VPS13A: variants seen among roughly 807,000 people sequenced by gnomAD.
VPS13A encodes intermembrane lipid transfer protein VPS13A.
A neutral mutation model predicts 390.9 loss-of-function variants in VPS13A; 264 were observed. The ratio of observed to expected loss-of-function variants is 0.68; its 90% CI spans 0.61 to 0.75. The LOEUF is 0.75. Ranked by LOEUF, VPS13A falls within the 30% of genes least tolerant of loss-of-function variation. VPS13A has a pLI of 0.00. For synonymous variants in VPS13A, 1,231 were observed against 1,227.1 expected (o/e 1.00, Z -0.07); for missense variants, 3,409 against 3,733.9 (o/e 0.91, Z 2.27).
intron 24 of VPS13A, among the ~76,000 whole-genome samples, chr9:77,273,805 C>A (rs559597966): frequency 2.0e-5 from 3 of 152,254 alleles, no homozygotes; most frequent in African/African-American, 7.2e-5. Context: ...TAAGAGTCAT[C>A]TTCCCTGGTA....
intron 68 of VPS13A, among the ~76,000 whole-genome samples, chr9:77,387,894 G>C (rs1833754960): frequency 1.3e-5 from 2 of 152,078 alleles, no homozygotes; most frequent in African/African-American, 4.8e-5. Context: ...TGTTGTTTCT[G>C]TGTCTCAAGA....
At chr9:77,338,601 T>G (rs1228041620) in intron 47 of VPS13A, 1 of 152,224 alleles carries the variant, frequency 6.6e-6, no homozygotes, top group African/African-American at 2.4e-5. Flanking sequence ...GGTTGCCATT[T>G]ATTTATCACT....
chr9:77,341,812 G>A (rs922426777), intron 50 of VPS13A, among the ~76,000 whole-genome samples: 2 of 142,952 alleles, frequency 1.4e-5, no homozygotes, highest in African/African-American at 5.2e-5. Flanking sequence ...CTTTTTTCAA[G>A]TATATTCATT....
At chr9:77,344,097 A>T (rs1350193450) in intron 50 of VPS13A, 56 bp from the exon 51 acceptor site, 6 of 1,413,204 alleles carry the variant, frequency 4.2e-6, no homozygotes, top group Non-Finnish European at 5.9e-6. Flanking sequence ...AAGATGATTT[A>T]TATATTTATG....
intron 1 of VPS13A, among the ~76,000 whole-genome samples, chr9:77,197,787 A>G (rs551259671): frequency 5.4e-4 from 82 of 152,320 alleles, no homozygotes; most frequent in African/African-American, 1.8e-3. Context: ...TTTCTGCATG[A>G]AACAAAGCTT....
intron 17 of VPS13A, among the ~76,000 whole-genome samples, chr9:77,234,971 T>C (rs1824058772): frequency 6.6e-6 from 1 of 152,230 alleles, no homozygotes; most frequent in South Asian, 2.1e-4. Flanking sequence ...CTTTACGTTA[T>C]CATTTTCACA....
chr9:77,224,533 A>G (rs1231113137), intron 13 of VPS13A, among the ~76,000 whole-genome samples: 1 of 152,196 alleles, frequency 6.6e-6, no homozygotes, highest in African/African-American at 2.4e-5. Context: ...CAGTGGAGAA[A>G]GTCACTGCAG....
intron 69 of VPS13A, among the ~76,000 whole-genome samples, chr9:77,405,130 C>T (rs754013405): frequency 6.6e-6 from 1 of 152,014 alleles, no homozygotes; most frequent in Non-Finnish European, 1.5e-5. Context: ...ATTTTCATTT[C>T]TTGGTTTCTT....
chr9:77,313,922 T>C (rs1587558039), intron 35 of VPS13A, 70 bp from the exon 36 acceptor site: 8 of 1,465,378 alleles, frequency 5.5e-6, no homozygotes, highest in Non-Finnish European at 7.5e-6. Flanking sequence ...ATTAAATCTA[T>C]TTCAAGGGTA....
chr9:77,282,423 A>G (rs1406150581), intron 29 of VPS13A, 149 bp downstream of exon 29: 1 of 732,654 alleles, frequency 1.4e-6, no homozygotes, highest in Non-Finnish European at 2.2e-6. Context: ...ATTATATGCC[A>G]GGATAATTTT....
At chr9:77,211,747 A>T (rs1311332546) in intron 7 of VPS13A, 6 of 152,210 alleles carry the variant, frequency 3.9e-5, no homozygotes, top group Non-Finnish European at 7.3e-5. Context: ...GTTACTAATC[A>T]TCACCTTTGG....
At position 77,314,113 on chromosome 9, in the gene VPS13A, T is replaced by G; in HGVS notation, c.4236T>G (p.Pro1412=). Residue 1412 remains proline (P), a synonymous_variant, in exon 36 of 72, where the codon CCT becomes CCG. Transcript: ENST00000360280. ...CCATGGTGCTGTATAGTCCAGGTCC[T>G]AAACAGGTAAGTCCAGGAAGAAAAG... ...DLTMVLYSPG[P]KQASFTDVRD... 1 of 1,613,102 alleles carries G rather than the reference T, an allele frequency of 6.2e-7. No individual in the cohort carries two copies. The highest frequency in any genetic ancestry group is 2.2e-5 in the East Asian group (1 of 44,724).
intron 42 of VPS13A, 27 bp from the exon 43 acceptor site, chr9:77,321,142 T>G (rs199629253): frequency 6.2e-7 from 1 of 1,600,996 alleles, no homozygotes; most frequent in South Asian, 1.1e-5. Context: ...GAATTTTTCC[T>G]TATATTTCTA....
In VPS13A at chr9:77,260,088, T is replaced by C. The variant is rs767897787; in HGVS notation, c.2291T>C (p.Phe764Ser). ...TTATTTTTATCTTTTCAAAACAGAT[T>C]CAAGATTTATGGAAAGTTACCTCTT... ...MVFMDVRMPK[F>S]KIYGKLPLIS... The change falls in exon 23 of 72, where the codon TTC becomes TCC. Residue 764 changes from phenylalanine (F) to serine (S), a missense_variant and splice_region_variant. This residue lies in a region of VPS13A where 2,717 missense variants were observed against 2,917.4 expected (regional missense o/e 0.93). Transcript: ENST00000360280. 1.5e-5 allele frequency: 23 copies of C among 1,490,120 alleles called. No individual in the cohort carries two copies. The East Asian group carries it at 5.0e-4, about 32-fold the overall frequency. The allele number at this position is 1,490,120 out of a possible 1,614,324, so 92.3% of individuals were successfully genotyped here. A position where few individuals can be genotyped will look rare whatever the true frequency, so the allele number is the denominator to read the frequency against.
At chr9:77,251,678 G>T (rs1825152183) in intron 21 of VPS13A, among the ~76,000 whole-genome samples, 1 of 152,002 alleles carries the variant, frequency 6.6e-6, no homozygotes, top group South Asian at 2.1e-4. Context: ...TCTATATTAT[G>T]CTATATGGCT....
At chr9:77,363,189 G>A (rs2131571784) in intron 59 of VPS13A, among the ~76,000 whole-genome samples, 1 of 152,120 alleles carries the variant, frequency 6.6e-6, no homozygotes, top group African/African-American at 2.4e-5. Context: ...CTCTGATCTT[G>A]GAGGGTAAAT....
Position 77,238,119 on chromosome 9 carries a change from A to C in VPS13A, c.1713A>C (p.Ile571=). The C allele has an allele frequency of 6.2e-7, 1 of 1,613,822 alleles. No homozygotes were observed. The highest frequency in any genetic ancestry group is 1.1e-5 in the South Asian group (1 of 91,036). The change falls in exon 18 of 72, where the codon ATA becomes ATC. Residue 571 remains isoleucine, a synonymous_variant. Coordinates refer to ENST00000360280, the MANE Select transcript of VPS13A (RefSeq NM_033305.3). ...CACTTTTCCAAATTACATTTGAGATAAATCCATTAGATGAAACTGTTTCTC... is the reference window on the plus strand; with the variant it reads ...CACTTTTCCAAATTACATTTGAGATCAATCCATTAGATGAAACTGTTTCTC... The part of the protein sequence containing the change: ...AMSLFQITFE[I]NPLDETVSQR...
intron 23 of VPS13A, among the ~76,000 whole-genome samples, chr9:77,266,689 T>C (rs1826055967): frequency 6.6e-6 from 1 of 152,180 alleles, no homozygotes; most frequent in African/African-American, 2.4e-5. Flanking sequence ...CTGTATTTCC[T>C]GAATTTGAAT....
chr9:77,420,747 G>A lies in VPS13A; in HGVS notation c.*4741G>A, dbSNP rs1020322766. 6.6e-6 allele frequency: 1 copy of A among 152,134 alleles called. No homozygotes were observed. Among genetic ancestry groups the A allele is most frequent in the Non-Finnish European group, 1.5e-5 (1 of 68,020 alleles). 9.4% of individuals were successfully genotyped at this position (152,134 alleles called of 1,614,324 possible). The stretch of plus-strand genomic sequence containing the variant: ...AAGTCCTTGTAACAAGAAACCCTGT[G>A]AGATTGGTATAATGAGATATCAAAT... On this transcript the variant is annotated 3_prime_UTR_variant, in exon 72 of 72. Coordinates refer to ENST00000360280, the MANE Select transcript of VPS13A (RefSeq NM_033305.3).
Sources: allele counts gnomAD v4.1 joint callset (sites outside exome capture counted in the v4.1 genomes callset), GRCh38; gene constraint gnomAD v4.1.1; regional missense constraint gnomAD v4.1.1; transcripts MANE v1.5; gene names NCBI Gene and HGNC (gene_info 2026-07-23, HGNC 2026-07-21).